The following NARF variants were observed in gnomAD, a reference collection of about 807,000 sequenced individuals.
The protein encoded by NARF is nuclear prelamin A recognition factor.
Under a neutral mutation model 48.0 loss-of-function variants are expected in NARF, and 41 were observed. The observed-to-expected ratio is 0.85, with a 90% CI of 0.66 to 1.11. The LOEUF (loss-of-function observed/expected upper bound fraction) is 1.11, where lower values mean the gene tolerates loss of function less well. NARF is among the 50% of genes least tolerant of loss of function. The pLI is 0.00. For synonymous variants in NARF, 215 were observed against 225.5 expected (o/e 0.95, Z 0.42); for missense variants, 613 against 590.2 (o/e 1.04, Z -0.40).
chr17:82,463,385 C>G (rs959841398), intron 2 of NARF: 2 of 152,240 alleles, frequency 1.3e-5, no homozygotes, highest in African/African-American at 4.8e-5. Flanking sequence ...GGGACAGACT[C>G]CTGCTAGCAG....
At chr17:82,465,153 T>C (rs996162035) in intron 3 of NARF, among the ~76,000 whole-genome samples, 2 of 152,084 alleles carry the variant, frequency 1.3e-5, no homozygotes, top group African/African-American at 4.8e-5. Flanking sequence ...GGGGAGGTGC[T>C]GCACCCTTGT....
At chr17:82,485,390 C>T (rs1362938918) in intron 9 of NARF, 107 bp from the exon 10 acceptor site, 2 of 1,297,286 alleles carry the variant, frequency 1.5e-6, no homozygotes, top group African/African-American at 1.5e-5. Flanking sequence ...CACTGCACTC[C>T]AGCCTGGGCA....
At chr17:82,460,235 T>G (rs377043380) in intron 2 of NARF, 163 bp downstream of exon 2, 2 of 536,768 alleles carry the variant, frequency 3.7e-6, no homozygotes, top group East Asian at 6.8e-5. Context: ...GAGGCCGAGG[T>G]GGACGGATCA....
Position 82,488,221 on chromosome 17 carries a change from G to T in NARF, c.*64G>T. ...GCCAAGAGCCTCTCAGTAGAGGGAG[G>T]GGCTGCCCTGAGTGGAGTATTAAAG... is the stretch of plus-strand genomic sequence containing the variant. On this transcript the variant is annotated 3_prime_UTR_variant, in exon 11 of 11. Coordinates refer to ENST00000309794, the MANE Select transcript of NARF (RefSeq NM_012336.4). The T allele has an allele frequency of 6.3e-7, 1 of 1,575,688 alleles. No homozygotes were observed. Among genetic ancestry groups the T allele is most frequent in the Non-Finnish European group, 8.6e-7 (1 of 1,159,886 alleles).
chr17:82,481,367 T>A, intron 7 of NARF, 156 bp downstream of exon 7: 1 of 1,085,654 alleles, frequency 9.2e-7, no homozygotes, highest in Non-Finnish European at 1.3e-6. Context: ...CCTAGGGGCT[T>A]AACTGCAGGT....
Position 82,484,898 on chromosome 17 carries a change from G to T in NARF, c.919G>T (p.Ala307Ser). ...GHLAHIFRHA[A>S]KELFNEDVEE... ...CCTGGCACACATCTTCAGACATGCG[G>T]CCAAGGAGCTGTTCAACGAGGATGT... The change falls in exon 9 of 11, where the codon GCC becomes TCC. Residue 307 changes from alanine (A) to serine (S), a missense_variant. Coordinates refer to ENST00000309794, the MANE Select transcript of NARF (RefSeq NM_012336.4). The T allele has an allele frequency of 6.2e-7, 1 of 1,613,408 alleles. No homozygotes were observed. Among genetic ancestry groups the T allele is most frequent in the Non-Finnish European group, 8.5e-7 (1 of 1,179,664 alleles).
intron 5 of NARF, among the ~76,000 whole-genome samples, chr17:82,474,269 T>C (rs1022352307): frequency 2.0e-5 from 3 of 152,316 alleles, no homozygotes; most frequent in Non-Finnish European, 2.9e-5. Context: ...CATGTATCTT[T>C]TGCCAGCTTA....
intron 3 of NARF, among the ~76,000 whole-genome samples, chr17:82,466,786 T>G (rs1029310224): frequency 6.6e-6 from 1 of 151,938 alleles, no homozygotes; most frequent in Admixed American, 6.6e-5. Context: ...AAAATCAAAT[T>G]GTTCCAGCAT....
chr17:82,487,788 C>CCAAAGGGA, intron 10 of NARF, 128 bp from the exon 11 acceptor site: 1 of 759,774 alleles, frequency 1.3e-6, no homozygotes, highest in Non-Finnish European at 2.1e-6. Context: ...CCCTCCCGCC[C>CCAAAGGGA]AATCTCTACA....
rs561497300 is a variant in NARF at position 82,485,314 on chromosome 17, G to A, written c.972-183G>A. ...TGAGCGCCTATAGTCCCAGCTACTC[G>A]GGAAGCTGAGGCAGGAGAATGGCGT... On this transcript the variant is annotated intron_variant, in intron 9 of 10. Coordinates refer to ENST00000309794, the MANE Select transcript of NARF (RefSeq NM_012336.4). Among the ~76,000 whole-genome samples the A allele has an allele frequency of 1.2e-4, 19 of 152,122 alleles. No individual in the cohort carries two copies. In the East Asian group the frequency reaches 1.4e-3, roughly 11 times the overall value.
chr17:82,478,549 T>C lies in NARF; in HGVS notation c.521-251T>C, dbSNP rs754253447. 2.6e-5 allele frequency: 15 copies of C among 581,562 alleles called. No homozygotes were observed. In the East Asian group the frequency reaches 5.8e-4, roughly 22 times the overall value. The allele number at this position is 581,562 out of a possible 1,614,324, so 36.0% of individuals were successfully genotyped here. A position where few individuals can be genotyped will look rare whatever the true frequency, so the allele number is the denominator to read the frequency against. ...TTGGGGGACCTGTTACTCCGACTCTTACTTGTCTGTCGGCCTTGCAGGGAT... is the reference window on the plus strand; with the variant it reads ...TTGGGGGACCTGTTACTCCGACTCTCACTTGTCTGTCGGCCTTGCAGGGAT... On this transcript the variant is annotated intron_variant, in intron 5 of 10. Coordinates refer to ENST00000309794, the MANE Select transcript of NARF (RefSeq NM_012336.4).
At chr17:82,484,792 G>C in intron 8 of NARF, 21 bp from the exon 9 acceptor site, 1 of 1,568,976 alleles carries the variant, frequency 6.4e-7, no homozygotes, top group Admixed American at 1.9e-5. Context: ...TGAAGGACTT[G>C]TATTTTCTCT....
upstream of NARF, chr17:82,458,615 G>A (rs2043343872): frequency 1.5e-6 from 1 of 676,390 alleles, no homozygotes; most frequent in Non-Finnish European, 2.2e-6. Flanking sequence ...CGTAAGGGTG[G>A]GGAATCCTAT....
chr17:82,484,862 T>C lies in NARF; in HGVS notation c.883T>C (p.Ser295Pro). ...AGTGACGCGTCATGATGGAGCCAGC[T>C]CAGACGGGCACCTGGCACACATCTT... ...DKVTRHDGASSDGHLAHIFRH... is the reference protein window; with the variant it reads ...DKVTRHDGASPDGHLAHIFRH... Residue 295 changes from serine (S) to proline (P), a missense_variant, in exon 9 of 11, where the codon TCA becomes CCA. Transcript: ENST00000309794. The C allele has an allele frequency of 6.2e-7, 1 of 1,612,796 alleles. No individual in the cohort carries two copies. Among genetic ancestry groups the C allele is most frequent in the South Asian group, 1.1e-5 (1 of 90,924 alleles).
At chr17:82,467,617 GC>G (rs1318040750) in intron 3 of NARF, among the ~76,000 whole-genome samples, 6 of 152,204 alleles carry the variant, frequency 3.9e-5, no homozygotes, top group Non-Finnish European at 8.8e-5. Context: ...CGATTCTTCT[GC>G]CTCAGCCTCC....
chr17:82,486,843 T>A (rs2044106420), intron 10 of NARF, among the ~76,000 whole-genome samples: 1 of 152,200 alleles, frequency 6.6e-6, no homozygotes, highest in African/African-American at 2.4e-5. Flanking sequence ...AATGAACTCT[T>A]ACACTACTAA....
intron 7 of NARF, chr17:82,483,429 A>C (rs1208205306): frequency 5.3e-6 from 2 of 379,122 alleles, no homozygotes; most frequent in Non-Finnish European, 9.8e-6. Flanking sequence ...AAAAGTTTAC[A>C]GATTTTCCAC....
chr17:82,480,967 T>C, intron 6 of NARF, 115 bp from the exon 7 acceptor site: 3 of 1,244,654 alleles, frequency 2.4e-6, no homozygotes, highest in Non-Finnish European at 3.4e-6. Flanking sequence ...GCATGCAGTG[T>C]CTGGAGGGCA....
intron 2 of NARF, among the ~76,000 whole-genome samples, chr17:82,462,007 G>A (rs985418973): frequency 3.9e-5 from 6 of 152,168 alleles, no homozygotes; most frequent in Admixed American, 1.3e-4. Context: ...CCGACCCCAG[G>A]GGCCTCCCTC....
Sources: gnomAD v4.1 joint callset for allele counts (sites outside exome capture counted in the v4.1 genomes callset) on GRCh38, gnomAD v4.1.1 for gene constraint, MANE v1.5 for transcripts, NCBI Gene and HGNC (gene_info 2026-07-23, HGNC 2026-07-21) for gene names.